UNC5D: variants seen among roughly 807,000 people sequenced by gnomAD.
UNC5D encodes the protein netrin receptor UNC5D.
UNC5D carries 39 observed loss-of-function variants against 105.4 expected under a neutral mutation model. That is an observed-to-expected ratio of 0.37 (90% CI 0.29 to 0.48). UNC5D has a LOEUF of 0.48. Among genes scored for constraint, UNC5D ranks in the 20% least tolerant of loss-of-function variants. UNC5D has a pLI of 0.98. For missense variants in UNC5D, 991 were observed against 1,202.4 expected (o/e 0.82, Z 2.60); for synonymous variants, 452 against 450.4 (o/e 1.00, Z -0.04).
intron 10 of UNC5D, among the ~76,000 whole-genome samples, chr8:35,730,513 A>G (rs1586547863): frequency 6.6e-6 from 1 of 152,118 alleles, no homozygotes; most frequent in African/African-American, 2.4e-5. Context: ...ACTGAGTACC[A>G]CCTTCAACTT....
intron 1 of UNC5D, among the ~76,000 whole-genome samples, chr8:35,529,884 T>G (rs1299297122): frequency 6.7e-6 from 1 of 149,884 alleles, no homozygotes; most frequent in Non-Finnish European, 1.5e-5. Context: ...GTGATTTTTG[T>G]ACATTGATTT....
Position 35,507,044 on chromosome 8 carries a change from C to CTTTTCTTTT in UNC5D, c.104-42243_104-42235dup, listed in dbSNP as rs1166843315. ...TTCTTTTTGCAGGCCTCCATCAGGGCTTTTCTTTTTTTTTTTTTTTTTTTT... is the reference window on the plus strand; with the variant it reads ...TTCTTTTTGCAGGCCTCCATCAGGGCTTTTCTTTTTTTTCTTTTTTTTTTTTTTTTTTTT... On this transcript the variant is annotated intron_variant, in intron 1 of 16. Coordinates refer to ENST00000404895, the MANE Select transcript of UNC5D (RefSeq NM_080872.4). Among the ~76,000 whole-genome samples, 5 of 115,422 alleles carry CTTTTCTTTT rather than the reference C, an allele frequency of 4.3e-5. 1 individual carries two copies. The highest frequency in any genetic ancestry group is 1.7e-4 in the African/African-American group (5 of 28,790). The allele number at this position is 115,422 out of a possible 152,430, so 75.7% of individuals were successfully genotyped here.
intron 4 of UNC5D, among the ~76,000 whole-genome samples, chr8:35,617,826 C>A (rs1821123425): frequency 6.6e-6 from 1 of 152,246 alleles, no homozygotes; most frequent in African/African-American, 2.4e-5. Flanking sequence ...TTAAATATAA[C>A]TGAGTCTCTC....
At chr8:35,307,229 G>C (rs1014632192) in intron 1 of UNC5D, among the ~76,000 whole-genome samples, 1 of 152,168 alleles carries the variant, frequency 6.6e-6, no homozygotes, top group African/African-American at 2.4e-5. Context: ...CCGCAGGTTG[G>C]ACCAGCTTGG....
intron 1 of UNC5D, among the ~76,000 whole-genome samples, chr8:35,364,654 A>T (rs750847079): frequency 5.9e-5 from 9 of 152,202 alleles, no homozygotes; most frequent in Non-Finnish European, 1.2e-4. Flanking sequence ...ACACATGCAC[A>T]TACATACACA....
chr8:35,583,950 G>A (rs1200012305), intron 3 of UNC5D, among the ~76,000 whole-genome samples: 10 of 152,088 alleles, frequency 6.6e-5, no homozygotes, highest in Non-Finnish European at 1.5e-4. Flanking sequence ...CTTGTCAAAG[G>A]AAATGGTGCT....
At position 35,568,097 on chromosome 8, in the gene UNC5D, G is replaced by A. The variant is rs1817475516; in HGVS notation, c.323-1G>A. On this transcript the variant is annotated splice_acceptor_variant, in intron 2 of 16. Coordinates refer to ENST00000404895, the MANE Select transcript of UNC5D (RefSeq NM_080872.4). LOFTEE classifies it high-confidence loss of function. Reference sequence around the variant, plus strand: ...TTGTCTCTTATCTCTCCCACCATCAGGTTTGAAGGTCCGCGAAGTGTTCAT... The same window carrying A: ...TTGTCTCTTATCTCTCCCACCATCAAGTTTGAAGGTCCGCGAAGTGTTCAT... 6.2e-7 allele frequency: 1 copy of A among 1,613,910 alleles called. No individual in the cohort carries two copies. The highest frequency in any genetic ancestry group is 8.5e-7 in the Non-Finnish European group (1 of 1,179,964).
intron 11 of UNC5D, among the ~76,000 whole-genome samples, chr8:35,746,968 C>T (rs1830039407): frequency 6.6e-6 from 1 of 152,136 alleles, no homozygotes; most frequent in South Asian, 2.1e-4. Context: ...TTCCACAGAG[C>T]ATTTGATGTT....
chr8:35,650,536 C>T (rs1464608570), intron 4 of UNC5D, among the ~76,000 whole-genome samples: 2 of 152,074 alleles, frequency 1.3e-5, no homozygotes, highest in Admixed American at 6.6e-5. Flanking sequence ...GGTGCGATCT[C>T]GGCTCACTGC....
rs540962758 is a variant in UNC5D, at chr8:35,320,137, G to A, written c.103+84250G>A. Among the ~76,000 whole-genome samples the A allele has an allele frequency of 6.6e-5, 10 of 152,128 alleles. No individual in the cohort carries two copies. The East Asian group carries it at 1.9e-3, about 29-fold the overall frequency. ...AGCTTTGTTTTACACACTTTAGGGA[G>A]ACATAAGACATCAATCAGTATATGT... On this transcript the variant is annotated intron_variant, in intron 1 of 16. Transcript: ENST00000404895.
intron 6 of UNC5D, among the ~76,000 whole-genome samples, chr8:35,686,273 A>G (rs1826004958): frequency 6.6e-6 from 1 of 152,170 alleles, no homozygotes; most frequent in South Asian, 2.1e-4. Flanking sequence ...ACAAATTTTT[A>G]GCTGACCCAG....
chr8:35,465,681 G>C (rs1809253018), intron 1 of UNC5D, among the ~76,000 whole-genome samples: 1 of 152,120 alleles, frequency 6.6e-6, no homozygotes, highest in African/African-American at 2.4e-5. Flanking sequence ...TGGTCTCCCA[G>C]AGATATCCTA....
chr8:35,586,118 A>G (rs542084756), intron 3 of UNC5D, among the ~76,000 whole-genome samples: 23 of 152,154 alleles, frequency 1.5e-4, no homozygotes, highest in African/African-American at 4.8e-4. Context: ...TACTAAAAAT[A>G]CAAAAATTAT....
At position 35,600,571 on chromosome 8, in the gene UNC5D, G is replaced by A. The variant is rs534307149; in HGVS notation, c.570+4914G>A. ...CCAGTGATGATGAGCATTTTTTCGT[G>A]TGTCTTTTGGCTGCATAAATGTCTT... On this transcript the variant is annotated intron_variant, in intron 4 of 16. Coordinates refer to ENST00000404895, the MANE Select transcript of UNC5D (RefSeq NM_080872.4). 8.0e-4 allele frequency among the ~76,000 whole-genome samples: 122 copies of A among 152,258 alleles called. 1 individual carries two copies. In the East Asian group the frequency reaches 0.021, roughly 27 times the overall value.
chr8:35,648,048 G>A (rs576467181), intron 4 of UNC5D, among the ~76,000 whole-genome samples: 3 of 152,238 alleles, frequency 2.0e-5, no homozygotes, highest in Non-Finnish European at 4.4e-5. Context: ...TCACTTAAAA[G>A]TGCACCACAT....
At chr8:35,670,177 A>G (rs1183968163) in intron 4 of UNC5D, among the ~76,000 whole-genome samples, 1 of 152,166 alleles carries the variant, frequency 6.6e-6, no homozygotes, top group Non-Finnish European at 1.5e-5. Context: ...CATTACCCTT[A>G]ACAGTCAAAT....
chr8:35,467,303 A>G (rs528771843), intron 1 of UNC5D, among the ~76,000 whole-genome samples: 3 of 152,264 alleles, frequency 2.0e-5, no homozygotes, highest in South Asian at 2.1e-4. Flanking sequence ...TCTTTCCTCA[A>G]TGCTGAATTC....
chr8:35,758,219 A>G (rs55813330), intron 13 of UNC5D, among the ~76,000 whole-genome samples: 11,433 of 152,288 alleles, frequency 0.075, 1,170 homozygotes, highest in African/African-American at 0.23. Flanking sequence ...CTTTTTAGTC[A>G]AAAATGTTTT....
In UNC5D at chr8:35,759,933, T is replaced by A. The variant is rs528897002; in HGVS notation, c.2313+464T>A. On this transcript the variant is annotated intron_variant, in intron 14 of 16. Transcript: ENST00000404895. ...GGCTAGCCAGGTGGAAACAAGAGATTTTTTTCTTTCATATATGAAGTGTAC... is the reference window on the plus strand; with the variant it reads ...GGCTAGCCAGGTGGAAACAAGAGATATTTTTCTTTCATATATGAAGTGTAC... 5.5e-4 allele frequency among the ~76,000 whole-genome samples: 83 copies of A among 152,244 alleles called. 1 individual carries two copies. The highest frequency in any genetic ancestry group is 1.9e-3 in the African/African-American group (81 of 41,558).
Sources: gnomAD v4.1 joint callset for allele counts (sites outside exome capture counted in the v4.1 genomes callset) on GRCh38, gnomAD v4.1.1 for gene constraint, MANE v1.5 for transcripts, NCBI Gene and HGNC (gene_info 2026-07-23, HGNC 2026-07-21) for gene names.